Variants in MGMT observed in about 807,000 individuals in gnomAD.
The protein encoded by MGMT is methylated-DNA--protein-cysteine methyltransferase.
MGMT carries 14 observed loss-of-function variants against 15.9 expected under a neutral mutation model. The ratio of observed to expected loss-of-function variants is 0.88; its 90% CI spans 0.58 to 1.37. MGMT has a LOEUF of 1.37. Among genes scored for constraint, MGMT ranks in the 40% most tolerant of loss-of-function variants. MGMT has a pLI of 0.00. For synonymous variants in MGMT, 130 were observed against 118.2 expected (o/e 1.10, Z -0.65); for missense variants, 282 against 268.1 (o/e 1.05, Z -0.36).
intron 1 of MGMT, among the ~76,000 whole-genome samples, chr10:129,496,721 A>G (rs148344134): frequency 1.7e-3 from 260 of 152,318 alleles, no homozygotes; most frequent in African/African-American, 6.0e-3. Flanking sequence ...ACAGAGAGAA[A>G]TAACTCACAA....
At chr10:129,609,480 G>A (rs1271160907) in intron 2 of MGMT, among the ~76,000 whole-genome samples, 1 of 152,228 alleles carries the variant, frequency 6.6e-6, no homozygotes, top group Non-Finnish European at 1.5e-5. Flanking sequence ...CTGGATGGTG[G>A]AGGTTTGCTG....
At chr10:129,755,584 G>A (rs1340588099) in intron 3 of MGMT, among the ~76,000 whole-genome samples, 2 of 152,236 alleles carry the variant, frequency 1.3e-5, no homozygotes, top group Non-Finnish European at 2.9e-5. Flanking sequence ...GACCTTGACA[G>A]GTCACCACCC....
At chr10:129,519,935 G>A (rs1297784762) in intron 1 of MGMT, among the ~76,000 whole-genome samples, 3 of 152,110 alleles carry the variant, frequency 2.0e-5, no homozygotes, top group Admixed American at 2.0e-4. Flanking sequence ...TAATCTCAGT[G>A]CTATGGGAGG....
chr10:129,600,661 A>T (rs191647685), intron 2 of MGMT, among the ~76,000 whole-genome samples: 23 of 152,320 alleles, frequency 1.5e-4, no homozygotes, highest in Admixed American at 1.3e-3. Flanking sequence ...TGAGGTAAAC[A>T]TCCGTATTGC....
chr10:129,754,679 C>T (rs72844404), intron 3 of MGMT, among the ~76,000 whole-genome samples: 18 of 152,346 alleles, frequency 1.2e-4, no homozygotes, highest in South Asian at 2.1e-4. Flanking sequence ...AGCATGACGC[C>T]GGCATCTGCT....
chr10:129,639,007 A>G lies in MGMT; in HGVS notation c.126-68888A>G, dbSNP rs528094626. Reference sequence around the variant, plus strand: ...TACACAATAACAAAACAAGTAAAATAGATTAACAGAGTAAAACATAAATGA... The same window carrying G: ...TACACAATAACAAAACAAGTAAAATGGATTAACAGAGTAAAACATAAATGA... On this transcript the variant is annotated intron_variant, in intron 2 of 4. Transcript: ENST00000651593. 2.6e-5 allele frequency among the ~76,000 whole-genome samples: 4 copies of G among 151,900 alleles called. No individual in the cohort carries two copies. In the South Asian group the frequency reaches 8.3e-4, roughly 32 times the overall value.
At chr10:129,492,842 G>A (rs949503448) in intron 1 of MGMT, among the ~76,000 whole-genome samples, 1 of 152,134 alleles carries the variant, frequency 6.6e-6, no homozygotes, top group Non-Finnish European at 1.5e-5. Flanking sequence ...CCATTAGTTC[G>A]TTTTGCTTGG....
intron 2 of MGMT, among the ~76,000 whole-genome samples, chr10:129,645,763 G>A (rs867657267): frequency 4.6e-5 from 7 of 152,192 alleles, no homozygotes; most frequent in East Asian, 1.9e-4. Flanking sequence ...CCAGGCCAGC[G>A]GCGGTGTTAC....
At chr10:129,553,204 T>A (rs1017901827) in intron 2 of MGMT, among the ~76,000 whole-genome samples, 6 of 152,244 alleles carry the variant, frequency 3.9e-5, no homozygotes, top group African/African-American at 1.4e-4. Flanking sequence ...GGTCAAGGAC[T>A]CTTTCTTTGG....
At chr10:129,654,599 A>C (rs1372249120) in intron 2 of MGMT, among the ~76,000 whole-genome samples, 16 of 151,890 alleles carry the variant, frequency 1.1e-4, no homozygotes. Flanking sequence ...GGCTGCTTGG[A>C]GGGCTGTGAG....
At chr10:129,564,236 TC>T (rs1846316705) in intron 2 of MGMT, 2 of 60,334 alleles carry the variant, frequency 3.3e-5, no homozygotes, top group Admixed American at 2.1e-4. Flanking sequence ...TTCCCCCTCC[TC>T]TTCCCCCTTC....
At chr10:129,601,343 A>G (rs989800276) in intron 2 of MGMT, among the ~76,000 whole-genome samples, 2 of 152,176 alleles carry the variant, frequency 1.3e-5, no homozygotes, top group Non-Finnish European at 2.9e-5. Context: ...TTGAACAGCA[A>G]CTGGGTGGGG....
chr10:129,594,514 T>A (rs1846727511), intron 2 of MGMT, among the ~76,000 whole-genome samples: 1 of 152,204 alleles, frequency 6.6e-6, no homozygotes, highest in South Asian at 2.1e-4. Flanking sequence ...AGAAGCTGGA[T>A]CTTGGACATC....
At chr10:129,626,131 GGCTCTTTTTCATCCTGAGGAACT>G (rs1847146333) in intron 2 of MGMT, among the ~76,000 whole-genome samples, 1 of 152,182 alleles carries the variant, frequency 6.6e-6, no homozygotes. Context: ...AGGTGGACTA[GGCTCTTTTTCATCCTGAGGAACT>G]GCTCCGCGCT....
At chr10:129,521,037 G>C (rs1159143388) in intron 1 of MGMT, among the ~76,000 whole-genome samples, 1 of 150,814 alleles carries the variant, frequency 6.6e-6, no homozygotes, top group Non-Finnish European at 1.5e-5. Flanking sequence ...CCCGCCACCT[G>C]CTGTCCCCGG....
intron 4 of MGMT, among the ~76,000 whole-genome samples, chr10:129,763,985 C>T (rs1012550518): frequency 2.6e-5 from 4 of 152,236 alleles, no homozygotes; most frequent in African/African-American, 7.2e-5. Context: ...TTACCAAACT[C>T]ATCGTCAAAT....
rs1387151095 is a variant in MGMT at position 129,657,691 on chromosome 10, ACACACACACACACACG to A, written c.126-50188_126-50173del. 3.1e-4 allele frequency among the ~76,000 whole-genome samples: 44 copies of A among 141,550 alleles called. 1 individual carries two copies. The highest frequency in any genetic ancestry group is 1.2e-3 in the African/African-American group (43 of 35,994). The allele number at this position is 141,550 out of a possible 152,430, so 92.9% of individuals were successfully genotyped here. A position where few individuals can be genotyped will look rare whatever the true frequency, so the allele number is the denominator to read the frequency against. On this transcript the variant is annotated intron_variant, in intron 2 of 4. Coordinates refer to ENST00000651593, the MANE Select transcript of MGMT (RefSeq NM_002412.5). ...GCTCCTCCAACACACACACACACAC[ACACACACACACACACG>A]CACACACACACACACACACACCCCC...
chr10:129,580,800 A>T (rs1384512461), intron 2 of MGMT, among the ~76,000 whole-genome samples: 2 of 152,204 alleles, frequency 1.3e-5, no homozygotes, highest in Non-Finnish European at 2.9e-5. Context: ...TCAAGGCAGC[A>T]AGTGCCTTCC....
chr10:129,651,674 G>C (rs957960327), intron 2 of MGMT, among the ~76,000 whole-genome samples: 10 of 152,030 alleles, frequency 6.6e-5, no homozygotes, highest in Non-Finnish European at 1.5e-4. Flanking sequence ...CCGGTCGTTT[G>C]CCTGAGAGAA....
Sources: allele counts gnomAD v4.1 joint callset (sites outside exome capture counted in the v4.1 genomes callset), GRCh38; gene constraint gnomAD v4.1.1; transcripts MANE v1.5; gene names NCBI Gene and HGNC (gene_info 2026-07-23, HGNC 2026-07-21).